DGKB: variants seen among roughly 807,000 people sequenced by gnomAD.
DGKB encodes the protein 90 kDa diacylglycerol kinase.
Under a neutral mutation model 114.3 loss-of-function variants are expected in DGKB, and 67 were observed. That is an observed-to-expected ratio of 0.59 (90% CI 0.48 to 0.72). The LOEUF is 0.72. DGKB is among the 30% of genes least tolerant of loss of function. DGKB has a pLI of 0.00. For missense variants in DGKB, 907 were observed against 975.2 expected (o/e 0.93, Z 0.93); for synonymous variants, 398 against 323.1 (o/e 1.23, Z -2.49).
At chr7:14,668,129 T>A (rs1818355563) in intron 13 of DGKB, among the ~76,000 whole-genome samples, 1 of 152,042 alleles carries the variant, frequency 6.6e-6, no homozygotes, top group African/African-American at 2.4e-5. Context: ...TTTTTGAAAG[T>A]TGACCCAGGA....
chr7:14,272,076 A>T (rs1342861065), intron 23 of DGKB, among the ~76,000 whole-genome samples: 2 of 152,230 alleles, frequency 1.3e-5, no homozygotes, highest in African/African-American at 4.8e-5. Flanking sequence ...AGTACCATAT[A>T]TGCATATACA....
chr7:14,832,663 T>C (rs1173432775), intron 2 of DGKB, among the ~76,000 whole-genome samples: 1 of 152,112 alleles, frequency 6.6e-6, no homozygotes, highest in African/African-American at 2.4e-5. Flanking sequence ...CAATCACTTA[T>C]TCTCTTCTTT....
At chr7:14,824,475 G>T (rs1845385863) in intron 2 of DGKB, among the ~76,000 whole-genome samples, 1 of 152,060 alleles carries the variant, frequency 6.6e-6, no homozygotes, top group Admixed American at 6.6e-5. Flanking sequence ...GTGGGAGATA[G>T]ATCAAATTTA....
chr7:14,305,826 C>T (rs994635997), intron 23 of DGKB, among the ~76,000 whole-genome samples: 26 of 152,112 alleles, frequency 1.7e-4, no homozygotes, highest in African/African-American at 5.8e-4. Context: ...CATAGCTTGA[C>T]CAGGTCTTAA....
At chr7:14,715,157 C>G (rs1827990306) in intron 6 of DGKB, among the ~76,000 whole-genome samples, 2 of 151,974 alleles carry the variant, frequency 1.3e-5, no homozygotes, top group Non-Finnish European at 2.9e-5. Flanking sequence ...CATTATAAAT[C>G]AAGAGTCAAG....
intron 23 of DGKB, among the ~76,000 whole-genome samples, chr7:14,213,446 A>G (rs1175904491): frequency 1.3e-5 from 2 of 152,176 alleles, no homozygotes; most frequent in Non-Finnish European, 2.9e-5. Flanking sequence ...ATGTCTGGGA[A>G]GCAAAGCATC....
rs1452686512 is a variant in DGKB at position 14,695,492 on chromosome 7, C to CTTTTTTTTT, written c.592-1299_592-1298insAAAAAAAAA. On this transcript the variant is annotated intron_variant, in intron 8 of 25. Coordinates refer to ENST00000402815, the MANE Select transcript of DGKB (RefSeq NM_001350709.2). ...CAAATGTTCATTTCTCTCTCTCTCT[C>CTTTTTTTTT]TCTTTTTTTTTTTTTTTTTTTTTTT... 1.9e-3 allele frequency among the ~76,000 whole-genome samples: 140 copies of CTTTTTTTTT among 73,354 alleles called. 4 individuals carry two copies. The highest frequency in any genetic ancestry group is 7.6e-3 in the African/African-American group (127 of 16,768). The allele number at this position is 73,354 out of a possible 152,430, so 48.1% of individuals were successfully genotyped here.
At chr7:14,511,666 G>A (rs773879945) in intron 20 of DGKB, among the ~76,000 whole-genome samples, 4 of 152,120 alleles carry the variant, frequency 2.6e-5, no homozygotes, top group Admixed American at 2.0e-4. Context: ...TGGCTCAAGC[G>A]GCTTAGCTTT....
At chr7:14,634,663 A>C (rs1237526687) in intron 13 of DGKB, among the ~76,000 whole-genome samples, 6 of 151,648 alleles carry the variant, frequency 4.0e-5, no homozygotes, top group African/African-American at 1.2e-4. Context: ...AAACTAGGGT[A>C]AGATAAAGAA....
At chr7:14,888,197 G>A (rs1780614176) in intron 1 of DGKB, among the ~76,000 whole-genome samples, 1 of 151,666 alleles carries the variant, frequency 6.6e-6, no homozygotes, top group South Asian at 2.1e-4. Context: ...GCCAATTTAA[G>A]TATGATGCAT....
intron 5 of DGKB, among the ~76,000 whole-genome samples, chr7:14,724,482 G>T (rs916467783): frequency 1.3e-5 from 2 of 152,162 alleles, no homozygotes; most frequent in Non-Finnish European, 1.5e-5. Flanking sequence ...TCCCTGATAT[G>T]AAACTGGGAT....
At chr7:14,352,360 A>G (rs2128609223) in intron 21 of DGKB, among the ~76,000 whole-genome samples, 1 of 152,266 alleles carries the variant, frequency 6.6e-6, no homozygotes, top group East Asian at 1.9e-4. Flanking sequence ...AAGTATTTTG[A>G]TGTATAAGAA....
intron 1 of DGKB, among the ~76,000 whole-genome samples, chr7:14,881,837 C>A (rs114723793): frequency 0.011 from 1,628 of 151,990 alleles, 31 homozygotes; most frequent in African/African-American, 0.036. Context: ...ACTTTTATAC[C>A]ATAACCTAAA....
chr7:14,352,884 T>C (rs955042278), intron 21 of DGKB, among the ~76,000 whole-genome samples: 5 of 151,952 alleles, frequency 3.3e-5, no homozygotes, highest in African/African-American at 1.2e-4. Flanking sequence ...GATCGTGCCA[T>C]TGCACTTCAG....
At chr7:14,947,662 A>T (rs926364274) in intron 1 of DGKB, among the ~76,000 whole-genome samples, 5 of 144,850 alleles carry the variant, frequency 3.5e-5, no homozygotes, top group Non-Finnish European at 7.5e-5. Context: ...TAGGTGTCTT[A>T]ATTTGTATCA....
chr7:14,944,359 C>T (rs559659975), intron 1 of DGKB, among the ~76,000 whole-genome samples: 107 of 151,838 alleles, frequency 7.0e-4, no homozygotes, highest in African/African-American at 2.5e-3. Context: ...GTGTGATATT[C>T]GTGAAGAGAA....
intron 20 of DGKB, among the ~76,000 whole-genome samples, chr7:14,485,364 T>G (rs1030971051): frequency 6.6e-6 from 1 of 151,360 alleles, no homozygotes; most frequent in African/African-American, 2.4e-5. Flanking sequence ...TGCATTATGA[T>G]GCACATCTGC....
chr7:14,150,266 G>C (rs1437044743), intron 25 of DGKB, among the ~76,000 whole-genome samples: 1 of 152,094 alleles, frequency 6.6e-6, no homozygotes, highest in Non-Finnish European at 1.5e-5. Flanking sequence ...CATCAGAGAT[G>C]AGTATTTCTT....
intron 15 of DGKB, among the ~76,000 whole-genome samples, chr7:14,619,472 T>C (rs1273580414): frequency 1.3e-5 from 2 of 151,654 alleles, no homozygotes; most frequent in South Asian, 2.1e-4. Context: ...GGTTTTGATG[T>C]CCGGGCAAAT....
Sources: allele counts gnomAD v4.1 joint callset (sites outside exome capture counted in the v4.1 genomes callset), GRCh38; gene constraint gnomAD v4.1.1; transcripts MANE v1.5; gene names NCBI Gene and HGNC (gene_info 2026-07-23, HGNC 2026-07-21).